Variants in VEPH1 observed in about 807,000 individuals in gnomAD.
VEPH1 encodes ventricular zone-expressed PH domain-containing protein homolog 1.
VEPH1 carries 80 observed loss-of-function variants against 85.2 expected under a neutral mutation model. The observed-to-expected ratio is 0.94, with a 90% CI of 0.78 to 1.13. The LOEUF is 1.13. Among genes scored for constraint, VEPH1 ranks in the 50% most tolerant of loss-of-function variants. VEPH1 has a pLI of 0.00. For missense variants in VEPH1, 955 were observed against 980.5 expected, an observed-to-expected ratio of 0.97 and a Z score of 0.35; for synonymous variants, 297 against 348.0, an observed-to-expected ratio of 0.85 and a Z score of 1.63.
intron 12 of VEPH1, among the ~76,000 whole-genome samples, chr3:157,269,714 T>G (rs1371495814): frequency 6.6e-6 from 1 of 151,312 alleles, no homozygotes; most frequent in African/African-American, 2.4e-5. Flanking sequence ...AAAGGTCTAT[T>G]GCCCATAGTA....
intron 2 of VEPH1, chr3:157,488,940 C>G: frequency 4.1e-6 from 1 of 241,788 alleles, no homozygotes; most frequent in South Asian, 3.7e-5. Context: ...CTCTCTCTCT[C>G]TCTCTTTCTC....
chr3:157,490,002 T>G (rs1006693815), intron 2 of VEPH1, among the ~76,000 whole-genome samples: 5 of 152,002 alleles, frequency 3.3e-5, no homozygotes, highest in African/African-American at 1.2e-4. Context: ...ACAAAAGATG[T>G]ATAATATTAA....
At chr3:157,309,810 C>T (rs980483591) in intron 11 of VEPH1, among the ~76,000 whole-genome samples, 5 of 151,974 alleles carry the variant, frequency 3.3e-5, no homozygotes, top group African/African-American at 1.2e-4. Flanking sequence ...GACAGAGTCT[C>T]ACTCTGTTTC....
intron 6 of VEPH1, among the ~76,000 whole-genome samples, chr3:157,384,390 A>T (rs753237120): frequency 1.3e-5 from 2 of 152,188 alleles, no homozygotes; most frequent in African/African-American, 2.4e-5. Flanking sequence ...TGTAATTTAA[A>T]ATTTGAGGTA....
At chr3:157,365,652 T>C (rs1726593565) in intron 7 of VEPH1, among the ~76,000 whole-genome samples, 1 of 152,142 alleles carries the variant, frequency 6.6e-6, no homozygotes, top group African/African-American at 2.4e-5. Flanking sequence ...CATGGTTCAA[T>C]AATTCACTGG....
At chr3:157,473,020 T>G (rs73158523) in intron 2 of VEPH1, among the ~76,000 whole-genome samples, 1 of 151,090 alleles carries the variant, frequency 6.6e-6, no homozygotes, top group East Asian at 1.9e-4. Context: ...TAACAAAATA[T>G]TTTTTCTCAT....
intron 4 of VEPH1, chr3:157,436,679 C>G (rs1560059785): frequency 2.7e-6 from 1 of 364,148 alleles, no homozygotes. Context: ...CAGCGTAAAC[C>G]TTTGCGGTTT....
intron 9 of VEPH1, among the ~76,000 whole-genome samples, chr3:157,344,966 C>T (rs1273833692): frequency 4.6e-5 from 7 of 152,206 alleles, no homozygotes; most frequent in African/African-American, 1.7e-4. Flanking sequence ...GGAAAACTGG[C>T]TAGCCATGTG....
At chr3:157,484,891 G>C (rs552904184) in intron 2 of VEPH1, among the ~76,000 whole-genome samples, 1 of 152,214 alleles carries the variant, frequency 6.6e-6, no homozygotes, top group South Asian at 2.1e-4. Context: ...TATTAATTGA[G>C]CATACTAGAC....
chr3:157,410,905 T>C (rs1731484531), intron 6 of VEPH1, among the ~76,000 whole-genome samples: 1 of 152,190 alleles, frequency 6.6e-6, no homozygotes, highest in South Asian at 2.1e-4. Context: ...CAGCTGTTTG[T>C]TCTTCATCAT....
intron 9 of VEPH1, among the ~76,000 whole-genome samples, chr3:157,343,019 T>C (rs1292428424): frequency 6.6e-6 from 1 of 152,112 alleles, no homozygotes; most frequent in East Asian, 1.9e-4. Flanking sequence ...CTGGGACACA[T>C]TTAAAGCAGT....
chr3:157,398,929 A>G (rs528744474), intron 6 of VEPH1, among the ~76,000 whole-genome samples: 1 of 152,142 alleles, frequency 6.6e-6, no homozygotes, highest in South Asian at 2.1e-4. Context: ...CCAAAACAAT[A>G]CTTTACCAGC....
chr3:157,337,602 T>C (rs1312997943), intron 9 of VEPH1, among the ~76,000 whole-genome samples: 1 of 152,260 alleles, frequency 6.6e-6, no homozygotes, highest in Non-Finnish European at 1.5e-5. Flanking sequence ...TGACTTTCTT[T>C]AGTTTTTTTC....
At chr3:157,289,337 A>G (rs1406984942) in intron 11 of VEPH1, among the ~76,000 whole-genome samples, 1 of 152,198 alleles carries the variant, frequency 6.6e-6, no homozygotes, top group Admixed American at 6.5e-5. Context: ...TTTGTCTTGG[A>G]AAAAAGTTTA....
chr3:157,421,304 G>T (rs73028043), intron 5 of VEPH1, among the ~76,000 whole-genome samples: 1 of 152,024 alleles, frequency 6.6e-6, no homozygotes. Context: ...TGCTATCCCA[G>T]GTCACAGAAG....
intron 3 of VEPH1, among the ~76,000 whole-genome samples, chr3:157,465,406 C>T (rs901172369): frequency 2.0e-5 from 3 of 152,106 alleles, no homozygotes; most frequent in African/African-American, 4.8e-5. Flanking sequence ...TACCAACTTC[C>T]TATGTTCTAA....
At chr3:157,436,510 G>A (rs1180887363) in intron 4 of VEPH1, among the ~76,000 whole-genome samples, 1 of 152,250 alleles carries the variant, frequency 6.6e-6, no homozygotes, top group East Asian at 1.9e-4. Context: ...ATGCTGAAAT[G>A]ATGATTTGCT....
intron 4 of VEPH1, among the ~76,000 whole-genome samples, chr3:157,429,529 T>C (rs975397113): frequency 2.0e-5 from 3 of 152,164 alleles, no homozygotes; most frequent in Non-Finnish European, 4.4e-5. Flanking sequence ...ATTTGGGAGA[T>C]AATAAAAAAT....
chr3:157,382,065 CTT>C (rs1728840578), intron 6 of VEPH1, among the ~76,000 whole-genome samples: 1 of 152,214 alleles, frequency 6.6e-6, no homozygotes, highest in South Asian at 2.1e-4. Context: ...CCCTGGCACA[CTT>C]AAACCATCTG....
Sources: gnomAD v4.1 joint callset for allele counts (sites outside exome capture counted in the v4.1 genomes callset) on GRCh38, gnomAD v4.1.1 for gene constraint, MANE v1.5 for transcripts, NCBI Gene and HGNC (gene_info 2026-07-23, HGNC 2026-07-21) for gene names.